The following FGFR1 variants were observed in gnomAD, a reference collection of about 807,000 sequenced individuals.
FGFR1 encodes FGFR1/PLAG1 fusion.
A neutral mutation model predicts 93.7 loss-of-function variants in FGFR1; 18 were observed. The ratio of observed to expected loss-of-function variants is 0.19; its 90% CI spans 0.13 to 0.28. The LOEUF is 0.28. FGFR1 is among the 10% of genes least tolerant of loss of function. The pLI is 1.00. For synonymous variants in FGFR1, 448 were observed against 429.3 expected, an observed-to-expected ratio of 1.04 and a Z score of -0.54; for missense variants, 731 against 1,080.4, an observed-to-expected ratio of 0.68 and a Z score of 4.53.
chr8:38,422,815 G>A (rs1819308973), intron 7 of FGFR1: 2 of 561,110 alleles, frequency 3.6e-6, no homozygotes, highest in Non-Finnish European at 3.2e-6. Context: ...CAAAGCCAAG[G>A]AACACACAGA....
At chr8:38,467,815 T>G (rs2151504035) in intron 1 of FGFR1, 166 bp downstream of exon 1, 2 of 221,868 alleles carry the variant, frequency 9.0e-6, no homozygotes, top group Non-Finnish European at 1.8e-5. Flanking sequence ...GGGGCGCGGA[T>G]CGCCCGGGAG....
At chr8:38,452,597 G>A (rs1332310625) in intron 2 of FGFR1, among the ~76,000 whole-genome samples, 3 of 152,078 alleles carry the variant, frequency 2.0e-5, no homozygotes, top group East Asian at 1.9e-4. Flanking sequence ...TCCCGGGCTC[G>A]TGCAATCCTC....
chr8:38,444,507 G>GC (rs1175589576), intron 2 of FGFR1, among the ~76,000 whole-genome samples: 3 of 148,234 alleles, frequency 2.0e-5, no homozygotes, highest in South Asian at 2.1e-4. Context: ...CCCCACCTCA[G>GC]CCCCCCAAGC....
At position 38,421,833 on chromosome 8, in the gene FGFR1, G is replaced by C. The variant is rs1818929634; in HGVS notation, c.1045C>G (p.Leu349Val). ...YTCLAGNSIG[L>V]SHHSAWLTVL... ...GTCAACCATGCAGAGTGATGGGAGA[G>C]TCCGATAGAGTTACCCGCCAAGCAC... Residue 349 changes from leucine (L) to valine (V), a missense_variant, in exon 8 of 18, where the codon CTC becomes GTC. This residue lies in a region of FGFR1 where 146 missense variants were observed against 173.0 expected (regional missense o/e 0.84). Transcript: ENST00000447712. The C allele has an allele frequency of 6.2e-7, 1 of 1,614,000 alleles. No homozygotes were observed. Among genetic ancestry groups the C allele is most frequent in the Admixed American group, 1.7e-5 (1 of 59,988 alleles).
At chr8:38,436,396 G>GA (rs1170702334) in intron 2 of FGFR1, among the ~76,000 whole-genome samples, 3 of 151,546 alleles carry the variant, frequency 2.0e-5, no homozygotes, top group East Asian at 1.9e-4. Flanking sequence ...AGTGCATTGT[G>GA]AAAAAAAAGG....
At chr8:38,418,440 G>C (rs1229559001) in intron 9 of FGFR1, 67 bp from the exon 10 acceptor site, 1 of 1,543,704 alleles carries the variant, frequency 6.5e-7, no homozygotes, top group South Asian at 1.2e-5. Flanking sequence ...CCCATTCTTA[G>C]TCAGGGCTTC....
rs773527302 is a variant in FGFR1 at position 38,429,366 on chromosome 8, T to C, written c.358+316A>G. 2 of 647,378 alleles carry C rather than the reference T, an allele frequency of 3.1e-6. No individual in the cohort carries two copies. Among genetic ancestry groups the C allele is most frequent in the Non-Finnish European group, 5.8e-6 (2 of 342,798 alleles). 40.1% of individuals were successfully genotyped at this position (647,378 alleles called of 1,614,324 possible). ...GGAGTGGAAGCTGGCCGAGCACCAC[T>C]TAGCCTCCTGGAGATCTGGGCAAGC... On this transcript the variant is annotated intron_variant, in intron 3 of 17. Coordinates refer to ENST00000447712, the MANE Select transcript of FGFR1 (RefSeq NM_023110.3). This position sits in a 1 kb window ranked among gnomAD's most constrained non-coding sequence, Gnocchi z 4.4.
In FGFR1 at chr8:38,457,391, C is replaced by G. The variant is rs759243486; in HGVS notation, c.56G>C (p.Cys19Ser). 25 of 1,613,920 alleles carry G rather than the reference C, an allele frequency of 1.5e-5. No homozygotes were observed. The South Asian group carries it at 2.7e-4, about 18-fold the overall frequency. The stretch of plus-strand genomic sequence containing the variant: ...CAAGGTCGGGGACGGCCTAGCGGTG[C>G]AGAGTGTGGCTGTGACCAGCACAGC... ...FWAVLVTATL[C>S]TARPSPTLPE... Residue 19 changes from cysteine (C) to serine (S), a missense_variant, in exon 2 of 18, where the codon TGC becomes TCC. Transcript: ENST00000447712.
chr8:38,428,720 A>C (rs1412405657), intron 3 of FGFR1: 1 of 462,096 alleles, frequency 2.2e-6, no homozygotes, highest in African/African-American at 2.0e-5. Context: ...CTACATTCAA[A>C]GGCGCTTTCT....
chr8:38,427,826 T>C (rs1301832918), intron 5 of FGFR1, 95 bp downstream of exon 5: 27 of 1,365,252 alleles, frequency 2.0e-5, no homozygotes, highest in Admixed American at 5.1e-5. Flanking sequence ...AGGTGGAAAG[T>C]ATTACTTAAA....
intron 12 of FGFR1, 25 bp downstream of exon 12, chr8:38,417,281 G>A (rs774850173): frequency 6.3e-7 from 1 of 1,585,974 alleles, no homozygotes; most frequent in South Asian, 1.1e-5. Flanking sequence ...GCTGGGCAGG[G>A]AAAGCCAGTC....
chr8:38,458,615 G>C (rs546447315), intron 1 of FGFR1, among the ~76,000 whole-genome samples: 12 of 152,212 alleles, frequency 7.9e-5, no homozygotes, highest in Non-Finnish European at 1.6e-4. Context: ...AGAAATAAGG[G>C]GCAATGAAGA....
At position 38,413,840 on chromosome 8, in the gene FGFR1, C is replaced by A. The variant is rs2150514125; in HGVS notation, c.2293-36G>T. On this transcript the variant is annotated intron_variant, in intron 17 of 17. Coordinates refer to ENST00000447712, the MANE Select transcript of FGFR1 (RefSeq NM_023110.3). This position sits in a 1 kb window ranked among gnomAD's most constrained non-coding sequence, Gnocchi z 4.2. ...CGAGAGGAAGCAGCGATGGGCCGGG[C>A]CCCTCCTCCCTGCTCAGGGAGGTGC... The A allele has an allele frequency of 6.2e-7, 1 of 1,613,722 alleles. No individual in the cohort carries two copies.
chr8:38,413,352 T>G lies in FGFR1; in HGVS notation c.*276A>C. 1 of 509,246 alleles carries G rather than the reference T, an allele frequency of 2.0e-6. No individual in the cohort carries two copies. The allele number at this position is 509,246 out of a possible 1,614,324, so 31.5% of individuals were successfully genotyped here. ...TCCCTGCCCTCCAGGCAGTGCCTGG[T>G]GGCAGGGAGGGGTGTTGGTCCAACA... On this transcript the variant is annotated 3_prime_UTR_variant, in exon 18 of 18. Coordinates refer to ENST00000447712, the MANE Select transcript of FGFR1 (RefSeq NM_023110.3). This position sits in a 1 kb window ranked among gnomAD's most constrained non-coding sequence, Gnocchi z 4.2.
At chr8:38,457,646 T>A (rs1833227886) in intron 1 of FGFR1, 112 bp from the exon 2 acceptor site, 2 of 1,063,980 alleles carry the variant, frequency 1.9e-6, no homozygotes, top group Non-Finnish European at 2.7e-6. Flanking sequence ...GTGGACTTAC[T>A]AAGGCGTCCA....
In FGFR1 at chr8:38,413,226, CA is replaced by C; in HGVS notation, c.*401del. The C allele has an allele frequency of 3.3e-6, 1 of 301,010 alleles. No individual in the cohort carries two copies. The highest frequency in any genetic ancestry group is 5.1e-5 in the East Asian group (1 of 19,798). The allele number at this position is 301,010 out of a possible 1,614,324, so 18.6% of individuals were successfully genotyped here. On this transcript the variant is annotated 3_prime_UTR_variant, in exon 18 of 18. Transcript: ENST00000447712. This position sits in a 1 kb window ranked among gnomAD's most constrained non-coding sequence, Gnocchi z 4.2. ...GTAGCCCTGAGGACAAGGCACCTGC[CA>C]CCAGAGTGCGAGGGGCTTATGGGTG...
intron 2 of FGFR1, chr8:38,440,356 C>G (rs749500026): frequency 6.3e-7 from 1 of 1,599,978 alleles, no homozygotes; most frequent in South Asian, 1.1e-5. Flanking sequence ...ACCGAAATCC[C>G]GGGTCACAGC....
chr8:38,418,717 C>T (rs918926035), intron 9 of FGFR1: 2 of 364,688 alleles, frequency 5.5e-6, no homozygotes, highest in African/African-American at 4.2e-5. Context: ...GGATTCCTAA[C>T]TCCCAAAGCA....
chr8:38,459,753 G>GA (rs1458893797), intron 1 of FGFR1, among the ~76,000 whole-genome samples: 4 of 152,290 alleles, frequency 2.6e-5, no homozygotes, highest in African/African-American at 9.6e-5. Context: ...AACAGGGTGG[G>GA]AGGAAGTAAA....
Sources: gnomAD v4.1 joint callset for allele counts (sites outside exome capture counted in the v4.1 genomes callset) on GRCh38, gnomAD v4.1.1 for gene constraint, gnomAD v4.1.1 regional missense constraint, Gnocchi (gnomAD v3.1) non-coding constraint, MANE v1.5 for transcripts, NCBI Gene and HGNC (gene_info 2026-07-23, HGNC 2026-07-21) for gene names.